Variants in NPR3 observed in about 807,000 individuals in gnomAD.
NPR3 encodes natriuretic peptide receptor 3.
In NPR3, 34 loss-of-function variants were observed where a neutral mutation model predicts 54.5. That is an observed-to-expected ratio of 0.62 (90% CI 0.47 to 0.83). NPR3 has a LOEUF of 0.83. Ranked by LOEUF, NPR3 falls within the 40% of genes least tolerant of loss-of-function variation. The pLI, the probability that NPR3 is intolerant of heterozygous loss-of-function variation, is 0.00. For missense variants in NPR3, 674 were observed against 720.8 expected (o/e 0.94, Z 0.74); for synonymous variants, 289 against 297.1 (o/e 0.97, Z 0.28).
chr5:32,738,800 A>G, intron 2 of NPR3, 64 bp from the exon 3 acceptor site: 1 of 1,459,716 alleles, frequency 6.9e-7, no homozygotes, highest in Non-Finnish European at 9.4e-7. Flanking sequence ...CACAGTTGTG[A>G]AGGGAGAATG....
chr5:32,779,345 T>C (rs1181742724), intron 4 of NPR3, among the ~76,000 whole-genome samples: 1 of 152,184 alleles, frequency 6.6e-6, no homozygotes, highest in Admixed American at 6.5e-5. Flanking sequence ...ATGTACGCAT[T>C]CTCTTATTTA....
chr5:32,723,340 G>A (rs564502916), intron 1 of NPR3, among the ~76,000 whole-genome samples: 42 of 152,176 alleles, frequency 2.8e-4, no homozygotes, highest in Non-Finnish European at 4.7e-4. Flanking sequence ...CCCTTATGTG[G>A]TAGGCAACAA....
At position 32,762,954 on chromosome 5, in the gene NPR3, T is replaced by A. The variant is rs919796229; in HGVS notation, c.1060-11754T>A. Reference sequence around the variant, plus strand: ...TGCCTAGGTTTTCTTCTAGGGTTTTTATAGTTTTAGGTCTTACATTTAAGT... The same window carrying A: ...TGCCTAGGTTTTCTTCTAGGGTTTTAATAGTTTTAGGTCTTACATTTAAGT... On this transcript the variant is annotated intron_variant, in intron 3 of 7. Transcript: ENST00000265074. Among the ~76,000 whole-genome samples, 54 of 152,254 alleles carry A rather than the reference T, an allele frequency of 3.5e-4. 1 individual carries two copies. The highest frequency in any genetic ancestry group is 1.3e-3 in the African/African-American group (53 of 41,472).
chr5:32,735,543 G>A (rs817893), intron 2 of NPR3, among the ~76,000 whole-genome samples: 44,333 of 150,480 alleles, frequency 0.29, 7,295 homozygotes, highest in African/African-American at 0.45. Context: ...ACCATTTTTA[G>A]CTTTTTTGGT....
intron 5 of NPR3, among the ~76,000 whole-genome samples, 167 bp downstream of exon 5, chr5:32,780,983 G>C (rs1224291314): frequency 2.6e-5 from 4 of 152,152 alleles, no homozygotes; most frequent in Non-Finnish European, 5.9e-5. Context: ...TTCAGGAAAT[G>C]GTTCCTTGTT....
chr5:32,714,792 A>C (rs1725005413), intron 1 of NPR3, among the ~76,000 whole-genome samples: 1 of 152,198 alleles, frequency 6.6e-6, no homozygotes, highest in South Asian at 2.1e-4. Context: ...TTGAAGTAAC[A>C]CAGTTACTTT....
intron 1 of NPR3, among the ~76,000 whole-genome samples, chr5:32,692,489 G>C (rs1243138857): frequency 6.6e-6 from 1 of 152,214 alleles, no homozygotes; most frequent in Non-Finnish European, 1.5e-5. Flanking sequence ...AACAATGTCA[G>C]CTTGATGAAA....
chr5:32,744,075 C>A (rs1159048070), intron 3 of NPR3, among the ~76,000 whole-genome samples: 1 of 150,368 alleles, frequency 6.7e-6, no homozygotes, highest in African/African-American at 2.5e-5. Flanking sequence ...TCACTGCAAC[C>A]CCTGCCTCCC....
upstream of NPR3, chr5:32,710,635 C>A: frequency 6.8e-7 from 1 of 1,462,184 alleles, no homozygotes; most frequent in South Asian, 1.4e-5. Context: ...AGGTGACGCC[C>A]GGGCCAGCCG....
intron 1 of NPR3, among the ~76,000 whole-genome samples, chr5:32,694,162 G>A (rs757876026): frequency 3.3e-5 from 5 of 152,342 alleles, no homozygotes; most frequent in Middle Eastern, 6.8e-3. Flanking sequence ...TATTGAACAA[G>A]TGCTGGTCTC....
intron 1 of NPR3, chr5:32,716,593 C>T (rs145134433): frequency 6.5e-4 from 220 of 336,032 alleles, no homozygotes; most frequent in Non-Finnish European, 8.1e-4. Flanking sequence ...CACTGCATTC[C>T]AGCCTGGGCA....
At chr5:32,782,488 G>A (rs911420810) in intron 5 of NPR3, among the ~76,000 whole-genome samples, 2 of 152,132 alleles carry the variant, frequency 1.3e-5, no homozygotes, top group African/African-American at 4.8e-5. Context: ...CCTTTTCCAC[G>A]AGGGGGTAGT....
intron 3 of NPR3, among the ~76,000 whole-genome samples, chr5:32,757,277 C>A (rs1219641978): frequency 6.6e-6 from 1 of 152,138 alleles, no homozygotes; most frequent in African/African-American, 2.4e-5. Flanking sequence ...TCTTTTATTT[C>A]ATTGAGCAGT....
chr5:32,749,525 T>G (rs1306077838), intron 3 of NPR3, among the ~76,000 whole-genome samples: 9 of 152,228 alleles, frequency 5.9e-5, no homozygotes, highest in Non-Finnish European at 1.3e-4. Context: ...TGAACTTTAC[T>G]ATAGGGTAAT....
In NPR3 at chr5:32,786,294, A is replaced by G. The variant is rs752800068; in HGVS notation, c.1575A>G (p.Lys525=). 11 of 1,593,290 alleles carry G rather than the reference A, an allele frequency of 6.9e-6. 1 individual carries two copies. The Admixed American group carries it at 8.4e-5, about 12-fold the overall frequency. ...RTQQEESNLG[K]HRELREDSIR... is the part of the protein sequence containing the mutation. ...AGCAAGAAGAAAGTAACCTTGGAAA[A>G]CATCGGGAATTACGGGAAGATTCCA... Residue 525 remains lysine (K), a synonymous_variant, in exon 8 of 8, where the codon AAA becomes AAG. Transcript: ENST00000265074.
intron 2 of NPR3, among the ~76,000 whole-genome samples, chr5:32,725,731 G>C (rs1739105960): frequency 6.6e-6 from 1 of 152,178 alleles, no homozygotes; most frequent in Admixed American, 6.5e-5. Context: ...TTGCACATTT[G>C]TGTGTATATG....
At chr5:32,782,441 G>C (rs562330804) in intron 5 of NPR3, among the ~76,000 whole-genome samples, 1 of 152,228 alleles carries the variant, frequency 6.6e-6, no homozygotes, top group South Asian at 2.1e-4. Context: ...TGCCTTATCC[G>C]ATGAACAAAG....
intron 3 of NPR3, among the ~76,000 whole-genome samples, chr5:32,774,503 C>T (rs1263634011): frequency 6.6e-6 from 1 of 152,138 alleles, no homozygotes; most frequent in Admixed American, 6.5e-5. Context: ...ACGAGGCTTT[C>T]CAAATTCCCC....
At chr5:32,703,203 G>A (rs1220350940) in intron 1 of NPR3, among the ~76,000 whole-genome samples, 1 of 152,072 alleles carries the variant, frequency 6.6e-6, no homozygotes, top group African/African-American at 2.4e-5. Flanking sequence ...CTGGGCCTGG[G>A]AGTCTCCCTT....
Sources: allele counts gnomAD v4.1 joint callset (sites outside exome capture counted in the v4.1 genomes callset), GRCh38; gene constraint gnomAD v4.1.1; transcripts MANE v1.5; gene names NCBI Gene and HGNC (gene_info 2026-07-23, HGNC 2026-07-21).